EPN2: variants seen among roughly 807,000 people sequenced by gnomAD.
EPN2 encodes epsin-2.
EPN2 carries 34 observed loss-of-function variants against 61.7 expected under a neutral mutation model. The ratio of observed to expected loss-of-function variants is 0.55; its 90% confidence interval spans 0.42 to 0.73. EPN2 has a LOEUF of 0.73. Ranked by LOEUF, EPN2 falls within the 30% of genes least tolerant of loss-of-function variation. The pLI is 0.00. For synonymous variants in EPN2, 349 were observed against 353.6 expected (o/e 0.99, Z 0.15); for missense variants, 714 against 839.2 (o/e 0.85, Z 1.84).
chr17:19,317,579 C>T (rs1159165192), intron 7 of EPN2, among the ~76,000 whole-genome samples: 5 of 152,162 alleles, frequency 3.3e-5, no homozygotes, highest in East Asian at 3.9e-4. Flanking sequence ...GCCAGGCTGG[C>T]GGGTGGGAGG....
intron 1 of EPN2, among the ~76,000 whole-genome samples, chr17:19,244,516 G>A (rs900257162): frequency 6.6e-6 from 1 of 151,874 alleles, no homozygotes; most frequent in African/African-American, 2.4e-5. Context: ...TAATGTTGTT[G>A]GGTCCTGGAT....
intron 7 of EPN2, among the ~76,000 whole-genome samples, chr17:19,315,528 C>T (rs752627080): frequency 6.6e-6 from 1 of 152,086 alleles, no homozygotes; most frequent in Non-Finnish European, 1.5e-5. Flanking sequence ...TCACTATTGC[C>T]CAGGCTGGAG....
intron 4 of EPN2, among the ~76,000 whole-genome samples, chr17:19,305,477 A>G (rs952777892): frequency 1.3e-5 from 2 of 152,098 alleles, no homozygotes; most frequent in African/African-American, 4.8e-5. Context: ...TGACCTATCC[A>G]TGCAGATTAG....
intron 9 of EPN2, 91 bp downstream of exon 9, chr17:19,329,738 C>T: frequency 1.4e-6 from 1 of 732,904 alleles, no homozygotes; most frequent in Non-Finnish European, 2.3e-6. Flanking sequence ...CAAAACCCTT[C>T]AGCTTCCTGC....
intron 7 of EPN2, 134 bp downstream of exon 7, chr17:19,313,413 A>G: frequency 1.4e-6 from 1 of 721,504 alleles, no homozygotes; most frequent in South Asian, 2.5e-5. Context: ...AGCCCTCAGC[A>G]GTGATATCCA....
At chr17:19,309,476 G>T (rs920647146) in intron 4 of EPN2, among the ~76,000 whole-genome samples, 2 of 152,164 alleles carry the variant, frequency 1.3e-5, no homozygotes, top group African/African-American at 4.8e-5. Flanking sequence ...GGAGTCTTTG[G>T]TCTCCAGATG....
chr17:19,332,228 G>A (rs1270437554), intron 10 of EPN2, among the ~76,000 whole-genome samples, 160 bp downstream of exon 10: 1 of 152,086 alleles, frequency 6.6e-6, no homozygotes, highest in Non-Finnish European at 1.5e-5. Flanking sequence ...TGCATGGGGT[G>A]GGGTGTGGAA....
At chr17:19,306,929 A>G (rs921689678) in intron 4 of EPN2, among the ~76,000 whole-genome samples, 1 of 152,194 alleles carries the variant, frequency 6.6e-6, no homozygotes, top group African/African-American at 2.4e-5. Context: ...CTTATCAGGA[A>G]AGAGGCTGGG....
intron 4 of EPN2, among the ~76,000 whole-genome samples, chr17:19,300,468 G>A (rs1463693240): frequency 2.0e-5 from 2 of 100,490 alleles, no homozygotes; most frequent in African/African-American, 7.9e-5. Context: ...CGCTCTTGTT[G>A]CCCAAGCTGG....
intron 10 of EPN2, 25 bp downstream of exon 10, chr17:19,332,093 C>G: frequency 1.9e-6 from 3 of 1,559,194 alleles, no homozygotes; most frequent in Non-Finnish European, 2.6e-6. Context: ...CAGGCTTCAT[C>G]CATTGCCTGC....
intron 4 of EPN2, among the ~76,000 whole-genome samples, chr17:19,293,609 T>A (rs1262209884): frequency 6.7e-6 from 1 of 148,528 alleles, no homozygotes; most frequent in Non-Finnish European, 1.5e-5. Context: ...CCCAGGCTGA[T>A]CTGGAACTCC....
At chr17:19,276,887 A>AG (rs1335915261) in intron 1 of EPN2, among the ~76,000 whole-genome samples, 1 of 149,312 alleles carries the variant, frequency 6.7e-6, no homozygotes, top group Non-Finnish European at 1.5e-5. Flanking sequence ...TATCTGGTGT[A>AG]GAGGTTCATA....
chr17:19,313,908 A>G lies in EPN2; in HGVS notation c.1147+629A>G, dbSNP rs541039098. 2.6e-5 allele frequency among the ~76,000 whole-genome samples: 4 copies of G among 152,312 alleles called. No homozygotes were observed. The East Asian group carries it at 7.7e-4, about 29-fold the overall frequency. ...AGTTTCTTAATCACTGGGCAGGAGC[A>G]TGGCCCAGCAGGCTTTATGAAGGCT... On this transcript the variant is annotated intron_variant, in intron 7 of 10. Transcript: ENST00000314728.
At chr17:19,246,943 T>G (rs2044959143) in intron 1 of EPN2, among the ~76,000 whole-genome samples, 1 of 152,072 alleles carries the variant, frequency 6.6e-6, no homozygotes, top group Admixed American at 6.6e-5. Context: ...GATTTCTTTT[T>G]GTATTTATGG....
At chr17:19,267,644 G>A (rs1011465156) in intron 1 of EPN2, among the ~76,000 whole-genome samples, 2 of 151,734 alleles carry the variant, frequency 1.3e-5, no homozygotes, top group Non-Finnish European at 2.9e-5. Context: ...CCGGGTTCAA[G>A]CGATTCTCCT....
At chr17:19,312,408 G>A (rs968887382) in intron 6 of EPN2, among the ~76,000 whole-genome samples, 13 of 152,240 alleles carry the variant, frequency 8.5e-5, no homozygotes, top group African/African-American at 2.9e-4. Context: ...TCCTGCCGCT[G>A]TGGCTACGGC....
intron 4 of EPN2, among the ~76,000 whole-genome samples, chr17:19,306,737 C>G (rs1157474491): frequency 6.6e-6 from 1 of 152,244 alleles, no homozygotes; most frequent in African/African-American, 2.4e-5. Flanking sequence ...AGCTGTGCAA[C>G]TCAGTACCAG....
intron 1 of EPN2, among the ~76,000 whole-genome samples, chr17:19,262,540 C>T (rs2045153351): frequency 6.6e-6 from 1 of 152,182 alleles, no homozygotes; most frequent in Admixed American, 6.5e-5. Flanking sequence ...ATTTGCCATG[C>T]AATAAAGTTC....
At chr17:19,333,669 A>G (rs1313887306) in intron 10 of EPN2, among the ~76,000 whole-genome samples, 1 of 152,148 alleles carries the variant, frequency 6.6e-6, no homozygotes. Context: ...AGCACTGCAG[A>G]GGAGCCAGGG....
Sources: gnomAD v4.1 joint callset for allele counts (sites outside exome capture counted in the v4.1 genomes callset) on GRCh38, gnomAD v4.1.1 for gene constraint, MANE v1.5 for transcripts, NCBI Gene and HGNC (gene_info 2026-07-23, HGNC 2026-07-21) for gene names.